The following PEAK1 variants were observed in gnomAD, a reference collection of about 807,000 sequenced individuals.
The protein encoded by PEAK1 is inactive tyrosine-protein kinase PEAK1.
PEAK1 carries 54 observed loss-of-function variants against 124.7 expected under a neutral mutation model. The ratio of observed to expected loss-of-function variants is 0.43; its 90% CI spans 0.35 to 0.54. The LOEUF is 0.54. Among genes scored for constraint, PEAK1 ranks in the 20% least tolerant of loss-of-function variants. The pLI is 0.01. For missense variants in PEAK1, 2,046 were observed against 2,134.5 expected (o/e 0.96, Z 0.82); for synonymous variants, 719 against 760.0 (o/e 0.95, Z 0.89).
intron 2 of PEAK1, chr15:77,352,251 T>C (rs1567296044): frequency 1.0e-6 from 1 of 985,256 alleles, no homozygotes; most frequent in Non-Finnish European, 1.2e-6. Flanking sequence ...ATCAAGGCAG[T>C]AGGATTTGGT....
chr15:77,136,392 G>A (rs998212044), intron 8 of PEAK1, among the ~76,000 whole-genome samples: 17 of 152,158 alleles, frequency 1.1e-4, no homozygotes, highest in East Asian at 9.6e-4. Context: ...TTGGTTTGGC[G>A]CAGTGGCTCA....
intron 6 of PEAK1, among the ~76,000 whole-genome samples, chr15:77,190,732 C>A (rs1279361839): frequency 6.6e-6 from 1 of 152,144 alleles, no homozygotes; most frequent in East Asian, 1.9e-4. Flanking sequence ...CATGGTGCAA[C>A]CACTGTGTAT....
chr15:77,388,664 T>G (rs934884822), intron 1 of PEAK1, among the ~76,000 whole-genome samples: 7 of 152,178 alleles, frequency 4.6e-5, no homozygotes, highest in Non-Finnish European at 7.3e-5. Context: ...TCTTCAACAT[T>G]TCATGTTGAT....
At chr15:77,288,914 C>T (rs1407739932) in intron 2 of PEAK1, among the ~76,000 whole-genome samples, 1 of 109,532 alleles carries the variant, frequency 9.1e-6, no homozygotes, top group African/African-American at 3.6e-5. Context: ...GGGCACAAAG[C>T]AAGACTCCGT....
intron 6 of PEAK1, among the ~76,000 whole-genome samples, chr15:77,198,203 C>A (rs986296626): frequency 2.0e-5 from 3 of 152,170 alleles, no homozygotes; most frequent in African/African-American, 7.2e-5. Context: ...CTCAAGTATT[C>A]TATCTGCTTA....
chr15:77,274,223 C>T (rs1389158641), intron 5 of PEAK1, among the ~76,000 whole-genome samples: 1 of 152,100 alleles, frequency 6.6e-6, no homozygotes, highest in Admixed American at 6.6e-5. Context: ...TACGCAAAGA[C>T]TTCATGACCA....
At chr15:77,159,811 G>C (rs1272887928) in intron 7 of PEAK1, among the ~76,000 whole-genome samples, 1 of 152,162 alleles carries the variant, frequency 6.6e-6, no homozygotes, top group African/African-American at 2.4e-5. Context: ...AGATCTAAAG[G>C]CAAAGGAGTA....
Position 77,252,383 on chromosome 15 carries a change from A to T in PEAK1, c.-131T>A, listed in dbSNP as rs1457410859. 5 of 985,386 alleles carry T rather than the reference A, an allele frequency of 5.1e-6. No homozygotes were observed. In the East Asian group the frequency reaches 5.7e-4, roughly 112 times the overall value. 61.0% of individuals were successfully genotyped at this position (985,386 alleles called of 1,614,324 possible). ...TCTGCTTACTATTTAAATCTGAAGC[A>T]CTTCATTCATTCTGGTGACAAAGGT... On this transcript the variant is annotated 5_prime_UTR_variant, in exon 6 of 10. Transcript: ENST00000682557.
intron 8 of PEAK1, among the ~76,000 whole-genome samples, chr15:77,150,321 G>A (rs1596358189): frequency 6.6e-6 from 1 of 152,132 alleles, no homozygotes; most frequent in Non-Finnish European, 1.5e-5. Context: ...TACTGGTTCT[G>A]TGACTTTAGG....
intron 5 of PEAK1, among the ~76,000 whole-genome samples, chr15:77,278,105 C>G (rs958036422): frequency 6.6e-6 from 1 of 152,054 alleles, no homozygotes; most frequent in Admixed American, 6.6e-5. Context: ...CGCTCGTGGG[C>G]ACGAGGGTAT....
chr15:77,192,971 G>A (rs543938145), intron 6 of PEAK1, among the ~76,000 whole-genome samples: 6 of 152,004 alleles, frequency 3.9e-5, no homozygotes, highest in Non-Finnish European at 5.9e-5. Flanking sequence ...AGGTGTATAC[G>A]CACAGACACA....
At chr15:77,167,225 T>G (rs1304473940) in intron 7 of PEAK1, among the ~76,000 whole-genome samples, 8 of 152,178 alleles carry the variant, frequency 5.3e-5, no homozygotes. Context: ...GAGAAATTCA[T>G]AATGAACTAT....
rs558406572 is a variant in PEAK1 at position 77,138,545 on chromosome 15, G to C, written c.3332-4795C>G. Among the ~76,000 whole-genome samples the C allele has an allele frequency of 1.4e-3, 207 of 152,164 alleles. 1 individual carries two copies. The highest frequency in any genetic ancestry group is 4.9e-3 in the African/African-American group (202 of 41,506). Reference sequence around the variant, plus strand: ...ACTTTTATAATAACACTTAGCTTAAGATACACTGTACACTATTTCAAAATA... The same window carrying C: ...ACTTTTATAATAACACTTAGCTTAACATACACTGTACACTATTTCAAAATA... On this transcript the variant is annotated intron_variant, in intron 8 of 9. Transcript: ENST00000682557.
intron 6 of PEAK1, among the ~76,000 whole-genome samples, chr15:77,189,975 G>C (rs984916996): frequency 1.3e-5 from 2 of 152,142 alleles, no homozygotes; most frequent in Admixed American, 1.3e-4. Flanking sequence ...AATTGGGAAG[G>C]AAGGAGAAAT....
intron 2 of PEAK1, chr15:77,334,182 G>T (rs2066056970): frequency 6.1e-6 from 6 of 975,968 alleles, no homozygotes; most frequent in Non-Finnish European, 7.3e-6. Context: ...CTTGAATATT[G>T]AGAAAGTACT....
At chr15:77,347,981 T>G in intron 2 of PEAK1, 4 of 985,178 alleles carry the variant, frequency 4.1e-6, no homozygotes, top group Non-Finnish European at 4.8e-6. Context: ...TGCATAATGC[T>G]AACAAGACAT....
chr15:77,348,894 G>T, intron 2 of PEAK1: 1 of 942,464 alleles, frequency 1.1e-6, no homozygotes, highest in Non-Finnish European at 1.3e-6. Context: ...CTCTTGCCTT[G>T]GCCTCGCAAA....
At position 77,307,099 on chromosome 15, in the gene PEAK1, T is replaced by C. The variant is rs1389527644; in HGVS notation, c.-602-20595A>G. ...TGAAGAAAAACAGCAAATGGAAACA[T>C]AAATTATTTTTATTATTAAACCATA... On this transcript the variant is annotated intron_variant, in intron 2 of 9. Transcript: ENST00000682557. Among the ~76,000 whole-genome samples, 6 of 152,204 alleles carry C rather than the reference T, an allele frequency of 3.9e-5. No individual in the cohort carries two copies. The South Asian group carries it at 1.0e-3, about 26-fold the overall frequency.
At chr15:77,272,838 T>G (rs961588690) in intron 5 of PEAK1, among the ~76,000 whole-genome samples, 2 of 152,126 alleles carry the variant, frequency 1.3e-5, no homozygotes, top group Admixed American at 6.5e-5. Context: ...ATATCCCTGA[T>G]GAACATAGAT....
Sources: gnomAD v4.1 joint callset for allele counts (sites outside exome capture counted in the v4.1 genomes callset) on GRCh38, gnomAD v4.1.1 for gene constraint, MANE v1.5 for transcripts, NCBI Gene and HGNC (gene_info 2026-07-23, HGNC 2026-07-21) for gene names.